SDK1: variants seen among roughly 807,000 people sequenced by gnomAD.
The protein encoded by SDK1 is sidekick cell adhesion molecule 1, also known as protein sidekick-1.
Under a neutral mutation model 245.5 loss-of-function variants are expected in SDK1, and 157 were observed. The observed-to-expected ratio is 0.64, with a 90% CI of 0.56 to 0.73. The LOEUF (loss-of-function observed/expected upper bound fraction) is 0.73. SDK1 is among the 30% of genes least tolerant of loss of function. SDK1 has a pLI of 0.00. For missense variants in SDK1, 3,583 were observed against 3,002.3 expected, an observed-to-expected ratio of 1.19 and a Z score of -4.52; for synonymous variants, 1,647 against 1,278.5, an observed-to-expected ratio of 1.29 and a Z score of -6.15.
chr7:3,677,028 C>G (rs1331500285), intron 4 of SDK1, among the ~76,000 whole-genome samples: 1 of 152,180 alleles, frequency 6.6e-6, no homozygotes, highest in Non-Finnish European at 1.5e-5. Flanking sequence ...TCCTGCACCT[C>G]TTGGCCTCTG....
chr7:3,990,383 A>G (rs1244655463), intron 14 of SDK1, among the ~76,000 whole-genome samples: 2 of 152,248 alleles, frequency 1.3e-5, no homozygotes, highest in African/African-American at 4.8e-5. Flanking sequence ...ATGGGGCAGG[A>G]TAGAAACCAG....
intron 5 of SDK1, among the ~76,000 whole-genome samples, chr7:3,916,347 G>A (rs998798374): frequency 4.6e-5 from 7 of 152,170 alleles, no homozygotes; most frequent in African/African-American, 1.7e-4. Context: ...TGTCTGTTTG[G>A]GAACAAAAGG....
At chr7:4,221,435 G>T (rs1157734685) in intron 40 of SDK1, 71 bp downstream of exon 40, 4 of 1,496,242 alleles carry the variant, frequency 2.7e-6, no homozygotes, top group African/African-American at 1.4e-5. Context: ...TGTGTCGGGG[G>T]CTTCCATCAC....
intron 4 of SDK1, among the ~76,000 whole-genome samples, chr7:3,677,881 C>G (rs1783957003): frequency 6.6e-6 from 1 of 152,152 alleles, no homozygotes; most frequent in Non-Finnish European, 1.5e-5. Context: ...GGGTACAAAA[C>G]TCCATAGAAT....
chr7:4,019,942 T>C (rs770190702), intron 17 of SDK1, among the ~76,000 whole-genome samples: 1 of 152,230 alleles, frequency 6.6e-6, no homozygotes, highest in African/African-American at 2.4e-5. Context: ...CCTCCCTCTC[T>C]GGATGTCTCG....
chr7:3,443,023 T>C (rs958952965), intron 1 of SDK1, among the ~76,000 whole-genome samples: 3 of 151,622 alleles, frequency 2.0e-5, no homozygotes, highest in Admixed American at 6.6e-5. Flanking sequence ...AGCAACACAA[T>C]ACCCTATCCA....
At chr7:3,497,913 G>C (rs1782075263) in intron 1 of SDK1, among the ~76,000 whole-genome samples, 8 of 152,200 alleles carry the variant, frequency 5.3e-5, no homozygotes, top group Admixed American at 5.2e-4. Flanking sequence ...AGGTTAGGGA[G>C]TTTCTGGATG....
chr7:3,688,756 G>C lies in SDK1; in HGVS notation c.713+46651G>C, dbSNP rs549149667. Among the ~76,000 whole-genome samples, 244 of 152,230 alleles carry C rather than the reference G, an allele frequency of 1.6e-3. 2 individuals are homozygous for C. The highest frequency in any genetic ancestry group is 2.5e-3 in the Non-Finnish European group (167 of 68,020). ...CTTTTTAGAGGGAAAATACTACAGC[G>C]GCTGAAAGCACAGGCTGAGGAGTCT... On this transcript the variant is annotated intron_variant, in intron 4 of 44. Transcript: ENST00000404826.
chr7:3,842,681 G>T (rs1780188103), intron 5 of SDK1, among the ~76,000 whole-genome samples: 1 of 152,064 alleles, frequency 6.6e-6, no homozygotes, highest in Non-Finnish European at 1.5e-5. Context: ...AAGGGTCTGG[G>T]GTACCATGAC....
chr7:4,096,795 G>A (rs188756452), intron 22 of SDK1, among the ~76,000 whole-genome samples: 27 of 151,922 alleles, frequency 1.8e-4, no homozygotes, highest in African/African-American at 6.5e-4. Context: ...CAAGATGAGC[G>A]CCACATAGGA....
chr7:4,018,536 G>C (rs1467441512), intron 17 of SDK1, among the ~76,000 whole-genome samples: 1 of 152,206 alleles, frequency 6.6e-6, no homozygotes, highest in African/African-American at 2.4e-5. Flanking sequence ...TGAAAACCTG[G>C]ACAGTTAACA....
intron 1 of SDK1, among the ~76,000 whole-genome samples, chr7:3,478,008 C>A (rs775259142): frequency 1.3e-5 from 2 of 152,084 alleles, no homozygotes; most frequent in Non-Finnish European, 2.9e-5. Flanking sequence ...GAATTATATC[C>A]TTCCTATTGA....
Position 3,453,982 on chromosome 7 carries a change from A to G in SDK1, c.298+152098A>G, listed in dbSNP as rs558570298. On this transcript the variant is annotated intron_variant, in intron 1 of 44. Coordinates refer to ENST00000404826, the MANE Select transcript of SDK1 (RefSeq NM_152744.4). ...ATGTACGACTGGTTTTGTAGGAGAA[A>G]AAGAATTGGGAAGTTTTAGGAATTA... 2.8e-4 allele frequency among the ~76,000 whole-genome samples: 43 copies of G among 152,320 alleles called. No homozygotes were observed. The South Asian group carries it at 6.6e-3, about 24-fold the overall frequency.
In SDK1 at chr7:4,093,636, G is replaced by A. The variant is rs141083111; in HGVS notation, c.3324+14052G>A. ...GGAGATGGAGCAGCCGGGCGCCCAG[G>A]CGTCCCCAGGACGCTTAGAGACGCC... On this transcript the variant is annotated intron_variant, in intron 22 of 44. Transcript: ENST00000404826. 4.8e-3 allele frequency among the ~76,000 whole-genome samples: 733 copies of A among 152,308 alleles called. 5 individuals carry two copies. The highest frequency in any genetic ancestry group is 0.017 in the African/African-American group (705 of 41,576).
intron 4 of SDK1, among the ~76,000 whole-genome samples, chr7:3,788,601 G>C (rs376787914): frequency 6.6e-6 from 1 of 152,112 alleles, no homozygotes; most frequent in Admixed American, 6.5e-5. Flanking sequence ...CCTGGGCCAC[G>C]TTGGAAAAAG....
chr7:3,430,796 T>C (rs1432843716), intron 1 of SDK1, among the ~76,000 whole-genome samples: 1 of 152,240 alleles, frequency 6.6e-6, no homozygotes, highest in Non-Finnish European at 1.5e-5. Flanking sequence ...CTAGGGCCCA[T>C]GCCTCCGGTG....
intron 1 of SDK1, among the ~76,000 whole-genome samples, chr7:3,528,407 G>A (rs917405066): frequency 6.6e-6 from 1 of 151,970 alleles, no homozygotes; most frequent in Non-Finnish European, 1.5e-5. Flanking sequence ...AGCCTGGAAA[G>A]GTAGCAGAAG....
At chr7:4,206,799 C>T (rs768154345) in intron 36 of SDK1, among the ~76,000 whole-genome samples, 6 of 152,136 alleles carry the variant, frequency 3.9e-5, no homozygotes, top group Non-Finnish European at 8.8e-5. Flanking sequence ...GGACCCAAGT[C>T]GATCAGTCAT....
chr7:3,451,364 T>C (rs1237125723), intron 1 of SDK1, among the ~76,000 whole-genome samples: 1 of 151,824 alleles, frequency 6.6e-6, no homozygotes, highest in African/African-American at 2.4e-5. Flanking sequence ...TAGGGCAGAG[T>C]AGGCCAGGGA....
Sources: allele counts gnomAD v4.1 joint callset (sites outside exome capture counted in the v4.1 genomes callset), GRCh38; gene constraint gnomAD v4.1.1; transcripts MANE v1.5; gene names NCBI Gene and HGNC (gene_info 2026-07-23, HGNC 2026-07-21).